PPFIA2: variants seen among roughly 807,000 people sequenced by gnomAD.
PPFIA2 encodes the protein liprin-alpha-2.
In PPFIA2, 46 loss-of-function variants were observed where a neutral mutation model predicts 175.5. The observed-to-expected ratio is 0.26, with a 90% CI of 0.21 to 0.34. The LOEUF (loss-of-function observed/expected upper bound fraction) is 0.34. Among genes scored for constraint, PPFIA2 ranks in the 10% least tolerant of loss-of-function variants. PPFIA2 has a pLI of 1.00. For missense variants in PPFIA2, 1,179 were observed against 1,506.1 expected (o/e 0.78, Z 3.60); for synonymous variants, 568 against 511.4 (o/e 1.11, Z -1.49).
At chr12:81,407,321 A>G (rs1281549692) in intron 7 of PPFIA2, among the ~76,000 whole-genome samples, 2 of 151,852 alleles carry the variant, frequency 1.3e-5, no homozygotes, top group African/African-American at 2.4e-5. Flanking sequence ...TGTCTCTACT[A>G]AAAATATAAA....
chr12:81,299,839 C>T (rs1594255736), intron 22 of PPFIA2, among the ~76,000 whole-genome samples: 2 of 152,228 alleles, frequency 1.3e-5, no homozygotes, highest in African/African-American at 2.4e-5. Context: ...CTTTTAGTCA[C>T]ATTCTAGTGA....
chr12:81,457,350 T>G (rs1312433331), intron 5 of PPFIA2, among the ~76,000 whole-genome samples: 1 of 151,618 alleles, frequency 6.6e-6, no homozygotes, highest in African/African-American at 2.4e-5. Flanking sequence ...CCCAGGCCAC[T>G]CTTTTGTAGC....
At chr12:81,507,562 A>AT (rs903849799) in intron 4 of PPFIA2, among the ~76,000 whole-genome samples, 1 of 152,034 alleles carries the variant, frequency 6.6e-6, no homozygotes, top group Non-Finnish European at 1.5e-5. Flanking sequence ...CCTCTCTTTT[A>AT]TTTTTTATTC....
intron 2 of PPFIA2, among the ~76,000 whole-genome samples, chr12:81,754,853 C>T (rs1032607724): frequency 2.0e-5 from 3 of 151,922 alleles, no homozygotes; most frequent in African/African-American, 7.3e-5. Flanking sequence ...TTACATTTTC[C>T]ATTTTATTAC....
intron 15 of PPFIA2, among the ~76,000 whole-genome samples, chr12:81,361,502 C>T (rs552042780): frequency 1.8e-4 from 28 of 151,440 alleles, no homozygotes; most frequent in African/African-American, 5.1e-4. Flanking sequence ...TTATGCCTGC[C>T]GAACTTTTTC....
intron 4 of PPFIA2, among the ~76,000 whole-genome samples, chr12:81,607,383 C>T (rs570985542): frequency 1.3e-5 from 2 of 152,124 alleles, no homozygotes; most frequent in Admixed American, 1.3e-4. Context: ...CTGTAAATTG[C>T]TTCAGGTGTA....
chr12:81,582,048 T>C (rs2153429151), intron 4 of PPFIA2, among the ~76,000 whole-genome samples: 1 of 152,020 alleles, frequency 6.6e-6, no homozygotes, highest in Admixed American at 6.6e-5. Flanking sequence ...CTCCTTGCAT[T>C]TTGTAGTCCG....
intron 9 of PPFIA2, among the ~76,000 whole-genome samples, chr12:81,378,831 G>A (rs2036977392): frequency 1.3e-5 from 2 of 152,126 alleles, no homozygotes; most frequent in South Asian, 2.1e-4. Context: ...TATTAACTCT[G>A]TTATAAGGGA....
intron 28 of PPFIA2, 89 bp downstream of exon 28, chr12:81,277,228 T>C (rs2040750944): frequency 1.8e-6 from 2 of 1,098,648 alleles, no homozygotes; most frequent in Non-Finnish European, 2.5e-6. Context: ...TTACTGACCA[T>C]TGTAACACAT....
intron 5 of PPFIA2, among the ~76,000 whole-genome samples, chr12:81,457,184 A>C (rs143028214): frequency 1.3e-5 from 2 of 151,618 alleles, no homozygotes; most frequent in Non-Finnish European, 2.9e-5. Context: ...GGGTTTCACC[A>C]TGTTGGCCAG....
chr12:81,449,089 C>G (rs2051896504), intron 5 of PPFIA2, among the ~76,000 whole-genome samples: 1 of 152,164 alleles, frequency 6.6e-6, no homozygotes, highest in Admixed American at 6.5e-5. Flanking sequence ...AACTGATTCA[C>G]CTTGTAGATA....
intron 4 of PPFIA2, among the ~76,000 whole-genome samples, chr12:81,535,755 A>G (rs2153314069): frequency 6.6e-6 from 1 of 151,844 alleles, no homozygotes; most frequent in East Asian, 1.9e-4. Flanking sequence ...GCAAGAAGAT[A>G]TTCATCATAG....
intron 4 of PPFIA2, among the ~76,000 whole-genome samples, chr12:81,648,326 A>G (rs1240624416): frequency 6.6e-6 from 1 of 152,054 alleles, no homozygotes; most frequent in Non-Finnish European, 1.5e-5. Flanking sequence ...CAAAGTATAA[A>G]ATTTCACAGC....
intron 4 of PPFIA2, among the ~76,000 whole-genome samples, chr12:81,662,521 T>C (rs1204388962): frequency 1.3e-5 from 2 of 152,136 alleles, no homozygotes; most frequent in African/African-American, 2.4e-5. Context: ...AATCTCTGAA[T>C]AGACCAATAA....
intron 3 of PPFIA2, among the ~76,000 whole-genome samples, chr12:81,690,656 T>C (rs1303592100): frequency 6.6e-6 from 1 of 151,904 alleles, no homozygotes; most frequent in African/African-American, 2.4e-5. Flanking sequence ...ATGTGAAGAG[T>C]ATATTAATTT....
At chr12:81,398,340 C>T (rs1050452957) in intron 8 of PPFIA2, among the ~76,000 whole-genome samples, 1 of 152,010 alleles carries the variant, frequency 6.6e-6, no homozygotes, top group Non-Finnish European at 1.5e-5. Flanking sequence ...TTTTGTAAGC[C>T]TCATGCTCAG....
At chr12:81,631,814 G>A (rs1458241117) in intron 4 of PPFIA2, among the ~76,000 whole-genome samples, 1 of 152,148 alleles carries the variant, frequency 6.6e-6, no homozygotes, top group Non-Finnish European at 1.5e-5. Flanking sequence ...AGTATAAAGT[G>A]ATAGTAATCA....
At position 81,385,703 on chromosome 12, in the gene PPFIA2, A is replaced by T. The variant is rs889353066; in HGVS notation, c.763-1459T>A. Among the ~76,000 whole-genome samples, 157 of 152,244 alleles carry T rather than the reference A, an allele frequency of 1.0e-3. 1 individual carries two copies. The highest frequency in any genetic ancestry group is 3.3e-3 in the African/African-American group (139 of 41,564). ...AAGAATGGTGGTTGCCAGAGGCTGGAAAAAAAGGATAGCTGTGATGAGTTA... is the reference window on the plus strand; with the variant it reads ...AAGAATGGTGGTTGCCAGAGGCTGGTAAAAAAGGATAGCTGTGATGAGTTA... On this transcript the variant is annotated intron_variant, in intron 8 of 32. Transcript: ENST00000549396.
chr12:81,593,066 T>C (rs1303825954), intron 4 of PPFIA2, among the ~76,000 whole-genome samples: 1 of 152,142 alleles, frequency 6.6e-6, no homozygotes, highest in East Asian at 1.9e-4. Flanking sequence ...CTAAGTATCT[T>C]TTTGAATAAA....
Sources: gnomAD v4.1 joint callset for allele counts (sites outside exome capture counted in the v4.1 genomes callset) on GRCh38, gnomAD v4.1.1 for gene constraint, MANE v1.5 for transcripts, NCBI Gene and HGNC (gene_info 2026-07-23, HGNC 2026-07-21) for gene names.